SIK3: variants seen among roughly 807,000 people sequenced by gnomAD.
SIK3 encodes SIK family kinase 3, also known as serine/threonine-protein kinase SIK3.
SIK3 carries 28 observed loss-of-function variants against 144.2 expected under a neutral mutation model. The ratio of observed to expected loss-of-function variants is 0.19; its 90% CI spans 0.14 to 0.27. The LOEUF (loss-of-function observed/expected upper bound fraction) is 0.27, where lower values mean the gene tolerates loss of function less well. Among genes scored for constraint, SIK3 ranks in the 10% least tolerant of loss-of-function variants. The probability of loss-of-function intolerance (pLI) is 1.00; values close to 1 mark genes in which losing one functional copy is unlikely to be tolerated. For missense variants in SIK3, 1,319 were observed against 1,776.0 expected (o/e 0.74, Z 4.62); for synonymous variants, 686 against 676.3 (o/e 1.01, Z -0.22).
intron 6 of SIK3, among the ~76,000 whole-genome samples, chr11:116,880,945 A>G (rs1285051246): frequency 6.6e-6 from 1 of 151,932 alleles, no homozygotes; most frequent in African/African-American, 2.4e-5. Context: ...CCAACATGGT[A>G]AAACCCTGTT....
At chr11:116,961,179 C>T (rs571229544) in intron 1 of SIK3, among the ~76,000 whole-genome samples, 2 of 152,306 alleles carry the variant, frequency 1.3e-5, no homozygotes, top group East Asian at 3.9e-4. Context: ...CACAGCAGGC[C>T]AGGCTCCCCT....
chr11:117,048,741 C>G (rs925522712), intron 1 of SIK3, among the ~76,000 whole-genome samples: 1 of 151,996 alleles, frequency 6.6e-6, no homozygotes, highest in African/African-American at 2.4e-5. Context: ...CGGTACATAT[C>G]CAAGAAAAAA....
intron 1 of SIK3, among the ~76,000 whole-genome samples, chr11:117,044,990 T>C (rs953813405): frequency 6.6e-6 from 1 of 152,254 alleles, no homozygotes; most frequent in African/African-American, 2.4e-5. Context: ...TTATCTTTCT[T>C]GGCTTCAAAC....
At chr11:116,984,034 G>C in intron 1 of SIK3, among the ~76,000 whole-genome samples, 1 of 126,226 alleles carries the variant, frequency 7.9e-6, no homozygotes, top group Non-Finnish European at 1.6e-5. Flanking sequence ...CTGGGTGACA[G>C]AGCAAGACCC....
At chr11:116,891,674 A>G (rs79929668) in intron 6 of SIK3, among the ~76,000 whole-genome samples, 7 of 151,284 alleles carry the variant, frequency 4.6e-5, no homozygotes, top group Admixed American at 1.3e-4. Flanking sequence ...GAGAGAGAGA[A>G]AGAGAGAGAA....
intron 1 of SIK3, among the ~76,000 whole-genome samples, chr11:117,005,058 T>TTTTTAGGATATA (rs1450106938): frequency 6.6e-6 from 1 of 152,172 alleles, no homozygotes; most frequent in African/African-American, 2.4e-5. Flanking sequence ...CCTAATCCAG[T>TTTTTAGGATATA]GTTTTTCCTA....
At chr11:117,063,888 T>C (rs1953906627) in intron 1 of SIK3, among the ~76,000 whole-genome samples, 1 of 152,050 alleles carries the variant, frequency 6.6e-6, no homozygotes, top group East Asian at 1.9e-4. Flanking sequence ...AGATTCCCCA[T>C]CTTATAAGAA....
intron 3 of SIK3, among the ~76,000 whole-genome samples, chr11:116,937,848 G>A (rs1046724832): frequency 6.6e-6 from 1 of 152,106 alleles, no homozygotes; most frequent in African/African-American, 2.4e-5. Flanking sequence ...TAATAACCCA[G>A]TAGCACTAAC....
intron 2 of SIK3, among the ~76,000 whole-genome samples, chr11:116,954,413 A>G (rs964693142): frequency 1.3e-5 from 2 of 152,064 alleles, no homozygotes; most frequent in African/African-American, 4.8e-5. Context: ...AGTTGTCAAG[A>G]ACCAAAACTT....
intron 6 of SIK3, among the ~76,000 whole-genome samples, chr11:116,885,352 T>G (rs1337772609): frequency 1.3e-5 from 2 of 152,190 alleles, no homozygotes; most frequent in Non-Finnish European, 2.9e-5. Context: ...ATCCATTTAT[T>G]AGAAAAATGA....
Position 117,060,027 on chromosome 11 carries a change from T to C in SIK3, c.273+38116A>G, listed in dbSNP as rs113054492. The stretch of plus-strand genomic sequence containing the variant: ...TTTAGCCAAATGAGCTGAAAACATA[T>C]ATCCACACAAAACCTGCAGACAGAT... On this transcript the variant is annotated intron_variant, in intron 1 of 24. Coordinates refer to ENST00000445177, the MANE Select transcript of SIK3 (RefSeq NM_001366686.3). 1.9e-3 allele frequency among the ~76,000 whole-genome samples: 297 copies of C among 152,338 alleles called. 1 individual carries two copies. Among genetic ancestry groups the C allele is most frequent in the Middle Eastern group, 6.8e-3 (2 of 294 alleles).
chr11:117,019,138 G>C (rs1357105868), intron 1 of SIK3, among the ~76,000 whole-genome samples: 1 of 151,866 alleles, frequency 6.6e-6, no homozygotes, highest in South Asian at 2.1e-4. Context: ...TCCTGCCTCA[G>C]CCTCCCAAGT....
intron 1 of SIK3, among the ~76,000 whole-genome samples, chr11:117,023,686 C>CT (rs963401734): frequency 3.5e-5 from 5 of 143,720 alleles, no homozygotes; most frequent in African/African-American, 5.2e-5. Flanking sequence ...TAACTTTTAT[C>CT]TTTTTTTTGA....
chr11:116,892,291 G>A (rs1002719931), intron 6 of SIK3, among the ~76,000 whole-genome samples: 4 of 152,138 alleles, frequency 2.6e-5, no homozygotes, highest in African/African-American at 9.7e-5. Flanking sequence ...GCTTCCAGAG[G>A]ACAGGAGGAA....
At chr11:117,008,288 A>G (rs915308911) in intron 1 of SIK3, among the ~76,000 whole-genome samples, 2 of 152,152 alleles carry the variant, frequency 1.3e-5, no homozygotes, top group African/African-American at 4.8e-5. Flanking sequence ...AATCCCCACA[A>G]GAACCCCAAT....
At chr11:116,988,361 G>A (rs1360236955) in intron 1 of SIK3, among the ~76,000 whole-genome samples, 2 of 151,032 alleles carry the variant, frequency 1.3e-5, no homozygotes, top group Non-Finnish European at 3.0e-5. Context: ...ACTCCAGCCC[G>A]GGCAACAGAG....
intron 1 of SIK3, among the ~76,000 whole-genome samples, chr11:117,088,417 ACTTTT>A (rs1177675743): frequency 6.6e-6 from 1 of 152,218 alleles, no homozygotes; most frequent in African/African-American, 2.4e-5. Flanking sequence ...GTAGAAAATT[ACTTTT>A]CTTTAACATC....
At chr11:116,964,611 T>C (rs1949458532) in intron 1 of SIK3, among the ~76,000 whole-genome samples, 1 of 152,142 alleles carries the variant, frequency 6.6e-6, no homozygotes, top group Non-Finnish European at 1.5e-5. Flanking sequence ...CCAGGCACGG[T>C]GGCTCATGCC....
intron 3 of SIK3, among the ~76,000 whole-genome samples, chr11:116,943,503 T>C (rs1026439695): frequency 2.0e-5 from 3 of 152,198 alleles, no homozygotes; most frequent in Non-Finnish European, 4.4e-5. Context: ...AGGTCTCCAC[T>C]AACAATACTA....
Sources: gnomAD v4.1 joint callset for allele counts (sites outside exome capture counted in the v4.1 genomes callset) on GRCh38, gnomAD v4.1.1 for gene constraint, MANE v1.5 for transcripts, NCBI Gene and HGNC (gene_info 2026-07-23, HGNC 2026-07-21) for gene names.